MAGED1: variants seen among roughly 807,000 people sequenced by gnomAD.
The protein encoded by MAGED1 is melanoma-associated antigen D1.
MAGED1 carries 3 observed loss-of-function variants against 54.1 expected under a neutral mutation model. The observed-to-expected ratio is 0.06, with a 90% CI of 0.03 to 0.14. The LOEUF (loss-of-function observed/expected upper bound fraction) is 0.14, where lower values mean the gene tolerates loss of function less well. MAGED1 is among the 10% of genes least tolerant of loss of function. MAGED1 has a pLI of 1.00. For missense variants in MAGED1, 485 were observed against 623.4 expected, an observed-to-expected ratio of 0.78 and a Z score of 2.36; for synonymous variants, 217 against 227.3, an observed-to-expected ratio of 0.95 and a Z score of 0.41.
chrX:51,808,836 T>C (rs942711160), intron 1 of MAGED1, among the ~76,000 whole-genome samples: 9 of 112,849 alleles, frequency 8.0e-5, no homozygotes, highest in Admixed American at 5.6e-4. Context: ...ATCCCAGATA[T>C]GTCATTACAC....
chrX:51,891,043 T>C (rs923968670), upstream of MAGED1, among the ~76,000 whole-genome samples: 4 of 112,476 alleles, frequency 3.6e-5, no homozygotes, highest in African/African-American at 1.3e-4. Context: ...GTTAAATACA[T>C]TGTGGTACAT....
chrX:51,811,289 A>G (rs1356475843), intron 1 of MAGED1, among the ~76,000 whole-genome samples: 2 of 111,974 alleles, frequency 1.8e-5, no homozygotes, highest in Non-Finnish European at 3.8e-5. Context: ...AGCCCCTTAC[A>G]TACTCACAAG....
chrX:51,807,135 C>G (rs1475083161), intron 1 of MAGED1, among the ~76,000 whole-genome samples: 1 of 111,543 alleles, frequency 9.0e-6, no homozygotes, highest in Non-Finnish European at 1.9e-5. Context: ...CAACACTTGC[C>G]TTTGTCTTGG....
chrX:51,890,714 A>G (rs1411591468), upstream of MAGED1, among the ~76,000 whole-genome samples: 1 of 111,055 alleles, frequency 9.0e-6, no homozygotes, highest in East Asian at 2.8e-4. Context: ...ATATACAAGC[A>G]TATTACAAAA....
chrX:51,892,579 G>A (rs891273057), upstream of MAGED1, among the ~76,000 whole-genome samples: 2 of 111,934 alleles, frequency 1.8e-5, no homozygotes, highest in Admixed American at 9.4e-5. Context: ...CAATTCCCAC[G>A]CCTGGATGGA....
rs1486999882 is a variant in MAGED1 at position 51,897,940 on chromosome X, AG to A, written c.1658+56del. The A allele has an allele frequency of 2.9e-6, 3 of 1,019,452 alleles. No individual in the cohort carries two copies. In the African/African-American group the frequency reaches 5.7e-5, roughly 19 times the overall value. The allele number at this position is 1,019,452 out of a possible 1,213,427, so 84.0% of individuals were successfully genotyped here. ...CCTTTCTCAGTGGTGCTTTTTTTCTAGGAGTTTCACGTAGATCAGGGTCCAG... is the reference window on the plus strand; with the variant it reads ...CCTTTCTCAGTGGTGCTTTTTTTCTAGAGTTTCACGTAGATCAGGGTCCAG... On this transcript the variant is annotated intron_variant, in intron 7 of 12. Transcript: ENST00000326587.
intron 1 of MAGED1, among the ~76,000 whole-genome samples, chrX:51,871,241 G>T (rs1296167526): frequency 2.7e-5 from 3 of 109,382 alleles, no homozygotes; most frequent in Admixed American, 1.9e-4. Context: ...TTTTACACCT[G>T]CCCTTCTCAA....
intron 1 of MAGED1, among the ~76,000 whole-genome samples, chrX:51,815,952 A>C (rs1925406116): frequency 8.9e-6 from 1 of 112,014 alleles, no homozygotes; most frequent in African/African-American, 3.2e-5. Context: ...TGTTTAAAAA[A>C]TGATTTTAGT....
chrX:51,888,363 A>G (rs1211633117), intron 1 of MAGED1, among the ~76,000 whole-genome samples: 1 of 111,923 alleles, frequency 8.9e-6, no homozygotes, highest in Non-Finnish European at 1.9e-5. Context: ...GATGGCAGAA[A>G]AGCACATGTA....
intron 11 of MAGED1, among the ~76,000 whole-genome samples, chrX:51,901,239 C>T (rs1929008998): frequency 8.9e-6 from 1 of 111,879 alleles, no homozygotes; most frequent in South Asian, 3.7e-4. Context: ...CCCTCCTGAC[C>T]CCAGGCCCTG....
At chrX:51,848,949 T>C (rs1163743188) in intron 1 of MAGED1, among the ~76,000 whole-genome samples, 1 of 110,215 alleles carries the variant, frequency 9.1e-6, no homozygotes, top group Admixed American at 9.7e-5. Flanking sequence ...TTTCTGTTTT[T>C]TTTTTCATCT....
chrX:51,819,122 G>C (rs1344716717), intron 1 of MAGED1, among the ~76,000 whole-genome samples: 2 of 111,384 alleles, frequency 1.8e-5, no homozygotes, highest in African/African-American at 6.5e-5. Context: ...GGGGTGAATT[G>C]TAAGATTCTG....
At chrX:51,832,379 C>T (rs997111107) in intron 1 of MAGED1, among the ~76,000 whole-genome samples, 3 of 111,202 alleles carry the variant, frequency 2.7e-5, no homozygotes, top group Non-Finnish European at 3.8e-5. Context: ...ACTATAGTCA[C>T]CCTATTGTGC....
intron 1 of MAGED1, among the ~76,000 whole-genome samples, chrX:51,869,460 ATTT>A (rs1557361328): frequency 1.8e-5 from 2 of 111,962 alleles, no homozygotes; most frequent in African/African-American, 6.5e-5. Context: ...AGACTGGACA[ATTT>A]ATTAAAAAGA....
chrX:51,849,496 A>T (rs1330723189), intron 1 of MAGED1, among the ~76,000 whole-genome samples: 2 of 111,970 alleles, frequency 1.8e-5, no homozygotes, highest in Non-Finnish European at 3.8e-5. Context: ...AAGGTGGTTC[A>T]TCTCTCCCTT....
At chrX:51,825,232 T>A (rs1241528431) in intron 1 of MAGED1, among the ~76,000 whole-genome samples, 5 of 110,149 alleles carry the variant, frequency 4.5e-5, no homozygotes, top group African/African-American at 1.7e-4. Flanking sequence ...AGAGGGAGAT[T>A]GTAGAGGGGA....
At chrX:51,866,448 T>C (rs1272108268) in intron 1 of MAGED1, among the ~76,000 whole-genome samples, 2 of 111,785 alleles carry the variant, frequency 1.8e-5, no homozygotes, top group Admixed American at 1.9e-4. Context: ...AGAACACTGA[T>C]TGTCCCCGGA....
chrX:51,854,636 G>A (rs1036992368), intron 1 of MAGED1, among the ~76,000 whole-genome samples: 2 of 111,523 alleles, frequency 1.8e-5, no homozygotes, highest in Non-Finnish European at 3.8e-5. Flanking sequence ...CACAAACTTG[G>A]AATAATAATA....
Position 51,897,875 on chromosome X carries a change from C to A in MAGED1, c.1647C>A (p.Gly549=). Residue 549 remains glycine (G), a synonymous_variant, in exon 7 of 13, where the codon GGC becomes GGA. Coordinates refer to ENST00000326587, the MANE Select transcript of MAGED1 (RefSeq NM_006986.4). ...TCAGTACCCCCGAGTCCCTGGCTGG[C>A]ATACTGGGAACGTAAGATGGGAAAG... ...ILISTPESLA[G]ILGTTKDTPK... The A allele has an allele frequency of 8.4e-7, 1 of 1,193,636 alleles. No homozygotes were observed. The highest frequency in any genetic ancestry group is 1.1e-6 in the Non-Finnish European group (1 of 880,625).
Sources: gnomAD v4.1 joint callset for allele counts (sites outside exome capture counted in the v4.1 genomes callset) on GRCh38, gnomAD v4.1.1 for gene constraint, MANE v1.5 for transcripts, NCBI Gene and HGNC (gene_info 2026-07-23, HGNC 2026-07-21) for gene names.